The following ROBO2 variants were observed in gnomAD, a reference collection of about 807,000 sequenced individuals.
ROBO2 encodes the protein roundabout guidance receptor 2.
In ROBO2, 53 loss-of-function variants were observed where a neutral mutation model predicts 160.8. That is an observed-to-expected ratio of 0.33 (90% CI 0.26 to 0.41). The LOEUF (loss-of-function observed/expected upper bound fraction) is 0.41, where lower values mean the gene tolerates loss of function less well. Ranked by LOEUF, ROBO2 falls within the 10% of genes least tolerant of loss-of-function variation. ROBO2 has a pLI of 1.00. For synonymous variants in ROBO2, 664 were observed against 611.7 expected (o/e 1.09, Z -1.26); for missense variants, 1,577 against 1,722.4 (o/e 0.92, Z 1.49).
intron 2 of ROBO2, among the ~76,000 whole-genome samples, chr3:76,849,263 AG>A: frequency 6.6e-6 from 1 of 152,196 alleles, no homozygotes; most frequent in East Asian, 1.9e-4. Flanking sequence ...TAATACACTT[AG>A]GGGGTATTCA....
rs188508352 is a variant in ROBO2 at position 77,232,074 on chromosome 3, C to T, written c.388+133734C>T. 3.1e-3 allele frequency among the ~76,000 whole-genome samples: 465 copies of T among 152,148 alleles called. 4 individuals carry two copies. The highest frequency in any genetic ancestry group is 0.01 in the African/African-American group (416 of 41,512). On this transcript the variant is annotated intron_variant, in intron 2 of 25. Transcript: ENST00000461745. ...TTGCCGAAATTCCATTTCTTTTCAT[C>T]GCTATTTATTACATACCTGCTATGA...
At chr3:76,952,611 A>G (rs1167695568) in intron 2 of ROBO2, among the ~76,000 whole-genome samples, 1 of 152,104 alleles carries the variant, frequency 6.6e-6, no homozygotes, top group Admixed American at 6.6e-5. Context: ...TAACCTGTGC[A>G]ATAAACTTTT....
At chr3:76,881,895 G>T (rs778028025) in intron 2 of ROBO2, among the ~76,000 whole-genome samples, 12 of 152,084 alleles carry the variant, frequency 7.9e-5, no homozygotes, top group Non-Finnish European at 1.5e-4. Flanking sequence ...TGTTTGGCTG[G>T]ACTCAGCAGG....
At chr3:76,047,741 G>A (rs1477487226) in intron 2 of ROBO2, among the ~76,000 whole-genome samples, 1 of 152,202 alleles carries the variant, frequency 6.6e-6, no homozygotes, top group Non-Finnish European at 1.5e-5. Flanking sequence ...TGTATGTCTG[G>A]AAAGCATGTA....
At chr3:76,603,303 G>A (rs1459512158) in intron 2 of ROBO2, among the ~76,000 whole-genome samples, 5 of 128,580 alleles carry the variant, frequency 3.9e-5, no homozygotes, top group African/African-American at 1.6e-4. Context: ...CTGCACTCCA[G>A]CCTGGGTGAC....
intron 2 of ROBO2, among the ~76,000 whole-genome samples, chr3:77,404,280 G>A (rs1197467946): frequency 6.6e-6 from 1 of 152,088 alleles, no homozygotes; most frequent in African/African-American, 2.4e-5. Flanking sequence ...TAGGATGTAA[G>A]GAGGCAAAAT....
intron 2 of ROBO2, among the ~76,000 whole-genome samples, chr3:77,120,645 G>T (rs2074661572): frequency 6.6e-6 from 1 of 152,156 alleles, no homozygotes; most frequent in Admixed American, 6.5e-5. Flanking sequence ...AGTGATAGGA[G>T]TTGGCTTTGA....
intron 2 of ROBO2, among the ~76,000 whole-genome samples, chr3:76,545,359 G>A (rs2083038029): frequency 6.6e-6 from 1 of 151,920 alleles, no homozygotes; most frequent in South Asian, 2.1e-4. Flanking sequence ...CATACCTACT[G>A]TCGGTTAAGT....
At chr3:76,076,242 A>G (rs2068641983) in intron 2 of ROBO2, among the ~76,000 whole-genome samples, 1 of 152,204 alleles carries the variant, frequency 6.6e-6, no homozygotes, top group Non-Finnish European at 1.5e-5. Flanking sequence ...TAAATCTATA[A>G]CCATGTATCA....
At chr3:77,520,256 GAGA>G (rs1472888453) in intron 5 of ROBO2, among the ~76,000 whole-genome samples, 3 of 151,290 alleles carry the variant, frequency 2.0e-5, no homozygotes, top group Non-Finnish European at 4.4e-5. Flanking sequence ...TTTTCTTGCA[GAGA>G]AGAAGTACAC....
intron 2 of ROBO2, among the ~76,000 whole-genome samples, chr3:76,078,660 C>G (rs375023807): frequency 1.3e-5 from 2 of 152,040 alleles, no homozygotes; most frequent in Non-Finnish European, 2.9e-5. Flanking sequence ...CCACCATGCA[C>G]GGCCTCAGTA....
chr3:77,214,339 T>C (rs2084624036), intron 2 of ROBO2, among the ~76,000 whole-genome samples: 1 of 152,222 alleles, frequency 6.6e-6, no homozygotes, highest in South Asian at 2.1e-4. Flanking sequence ...TGTAATGGCC[T>C]TCTTTGTCTC....
At chr3:76,911,576 G>A (rs776051104) in intron 2 of ROBO2, among the ~76,000 whole-genome samples, 2 of 152,152 alleles carry the variant, frequency 1.3e-5, no homozygotes, top group Non-Finnish European at 2.9e-5. Context: ...TTAATAAAGT[G>A]TGTCAGCAGT....
At chr3:76,122,486 A>G (rs7612336) in intron 2 of ROBO2, among the ~76,000 whole-genome samples, 13,763 of 152,112 alleles carry the variant, frequency 0.09, 1,337 homozygotes, top group African/African-American at 0.23. Context: ...TATTTGCAGA[A>G]TGATAGAAAG....
chr3:76,840,675 A>AT (rs1559586482), intron 2 of ROBO2, among the ~76,000 whole-genome samples: 64 of 136,488 alleles, frequency 4.7e-4, no homozygotes, highest in African/African-American at 1.6e-3. Context: ...ATATATATAT[A>AT]AGATGAAGTA....
intron 1 of ROBO2, among the ~76,000 whole-genome samples, chr3:75,927,862 T>G (rs373397196): frequency 6.3e-4 from 96 of 152,282 alleles, no homozygotes; most frequent in African/African-American, 2.3e-3. Context: ...ATGTTTGTCT[T>G]GTTTGGAGTC....
chr3:77,228,070 C>G (rs1465235559), intron 2 of ROBO2, among the ~76,000 whole-genome samples: 2 of 152,134 alleles, frequency 1.3e-5, no homozygotes, highest in African/African-American at 4.8e-5. Context: ...TATAATTGAT[C>G]AAGCATACAC....
At chr3:76,944,357 A>G (rs1371971484) in intron 2 of ROBO2, among the ~76,000 whole-genome samples, 1 of 152,200 alleles carries the variant, frequency 6.6e-6, no homozygotes, top group Non-Finnish European at 1.5e-5. Flanking sequence ...TATTTCAAAA[A>G]TAAACTGTTC....
chr3:77,586,925 C>T (rs987465568), intron 16 of ROBO2, among the ~76,000 whole-genome samples: 31 of 151,060 alleles, frequency 2.1e-4, no homozygotes, highest in Admixed American at 1.8e-3. Context: ...AGATTTACTA[C>T]ATAAATGACG....
Sources: gnomAD v4.1 joint callset for allele counts (sites outside exome capture counted in the v4.1 genomes callset) on GRCh38, gnomAD v4.1.1 for gene constraint, MANE v1.5 for transcripts, NCBI Gene and HGNC (gene_info 2026-07-23, HGNC 2026-07-21) for gene names.